LRP1B: variants seen among roughly 807,000 people sequenced by gnomAD.
LRP1B encodes the protein low-density lipoprotein receptor-related protein 1B.
A neutral mutation model predicts 556.6 loss-of-function variants in LRP1B; 217 were observed. The observed-to-expected ratio is 0.39, with a 90% CI of 0.35 to 0.44. The LOEUF (loss-of-function observed/expected upper bound fraction) is 0.44, where lower values mean the gene tolerates loss of function less well. Among genes scored for constraint, LRP1B ranks in the 20% least tolerant of loss-of-function variants. The probability of loss-of-function intolerance (pLI) is 1.00; values close to 1 mark genes in which losing one functional copy is unlikely to be tolerated. For synonymous variants in LRP1B, 2,047 were observed against 1,865.8 expected (o/e 1.10, Z -2.50); for missense variants, 5,053 against 5,620.8 (o/e 0.90, Z 3.23).
chr2:141,426,549 GAA>G (rs1359345753), intron 3 of LRP1B, among the ~76,000 whole-genome samples: 1 of 150,288 alleles, frequency 6.7e-6, no homozygotes, highest in Non-Finnish European at 1.5e-5. Flanking sequence ...AAATGACAAA[GAA>G]AGAATAGATC....
intron 83 of LRP1B, among the ~76,000 whole-genome samples, chr2:140,314,488 A>ATCCTG (rs1684434690): frequency 6.6e-6 from 1 of 152,098 alleles, no homozygotes; most frequent in Non-Finnish European, 1.5e-5. Flanking sequence ...GAATAGATAC[A>ATCCTG]ATTTTAGATG....
At chr2:142,067,674 C>A (rs1705155135) in intron 1 of LRP1B, among the ~76,000 whole-genome samples, 1 of 151,466 alleles carries the variant, frequency 6.6e-6, no homozygotes, top group Non-Finnish European at 1.5e-5. Context: ...ATTATTTAGA[C>A]TGAAATAATC....
At chr2:140,815,351 G>A (rs932942343) in intron 31 of LRP1B, among the ~76,000 whole-genome samples, 4 of 151,872 alleles carry the variant, frequency 2.6e-5, no homozygotes, top group African/African-American at 4.8e-5. Context: ...TCTGTTGCCC[G>A]GCTAGAATGC....
At chr2:141,944,740 CAATAA>C (rs1700905852) in intron 1 of LRP1B, among the ~76,000 whole-genome samples, 1 of 152,062 alleles carries the variant, frequency 6.6e-6, no homozygotes, top group Admixed American at 6.6e-5. Context: ...AATGAGAATA[CAATAA>C]AATAGATATT....
At chr2:141,833,477 G>A (rs567247623) in intron 1 of LRP1B, among the ~76,000 whole-genome samples, 113 of 151,912 alleles carry the variant, frequency 7.4e-4, no homozygotes, top group African/African-American at 2.6e-3. Context: ...GCAGGGAAAA[G>A]ATTTCAAAAA....
chr2:141,136,090 C>T (rs2105040956), intron 7 of LRP1B, among the ~76,000 whole-genome samples: 1 of 151,852 alleles, frequency 6.6e-6, no homozygotes, highest in South Asian at 2.1e-4. Flanking sequence ...CCAACAAATT[C>T]AATTAGAACA....
chr2:140,245,724 A>G (rs1303537579), intron 87 of LRP1B, among the ~76,000 whole-genome samples: 2 of 151,354 alleles, frequency 1.3e-5, no homozygotes, highest in African/African-American at 4.8e-5. Flanking sequence ...AGAGAGATAA[A>G]GTATTTTTTC....
At chr2:142,097,022 C>T (rs890007495) in intron 1 of LRP1B, among the ~76,000 whole-genome samples, 2 of 149,996 alleles carry the variant, frequency 1.3e-5, no homozygotes, top group Admixed American at 6.7e-5. Flanking sequence ...GTCCACTGGA[C>T]TATCACAGTC....
intron 65 of LRP1B, 63 bp downstream of exon 65, chr2:140,444,266 TA>T: frequency 6.4e-7 from 1 of 1,572,432 alleles, no homozygotes; most frequent in Non-Finnish European, 8.7e-7. Flanking sequence ...AGTATAGTAC[TA>T]ATTTTTAGAC....
At chr2:140,796,845 C>T (rs184211935) in intron 32 of LRP1B, among the ~76,000 whole-genome samples, 2 of 152,120 alleles carry the variant, frequency 1.3e-5, no homozygotes, top group East Asian at 1.9e-4. Flanking sequence ...AACAATTAAT[C>T]GCTAGATCTT....
intron 27 of LRP1B, among the ~76,000 whole-genome samples, chr2:140,866,497 T>C (rs1692957092): frequency 6.6e-6 from 1 of 152,068 alleles, no homozygotes; most frequent in Admixed American, 6.6e-5. Context: ...ATTAAAGTTA[T>C]TGCTCACCTA....
intron 51 of LRP1B, among the ~76,000 whole-genome samples, chr2:140,510,731 T>C (rs1415762985): frequency 6.6e-6 from 1 of 152,200 alleles, no homozygotes; most frequent in African/African-American, 2.4e-5. Flanking sequence ...TGCATAATAA[T>C]TGGAATCTAC....
At chr2:140,405,098 A>G (rs1684673711) in intron 66 of LRP1B, among the ~76,000 whole-genome samples, 1 of 152,218 alleles carries the variant, frequency 6.6e-6, no homozygotes, top group South Asian at 2.1e-4. Flanking sequence ...CAAATAAATT[A>G]AATAATCTGC....
intron 66 of LRP1B, among the ~76,000 whole-genome samples, chr2:140,401,476 G>A: frequency 6.6e-6 from 1 of 152,240 alleles, no homozygotes; most frequent in South Asian, 2.1e-4. Context: ...TCAGTGGCTT[G>A]AGAACTGCCC....
chr2:142,040,147 CTA>C (rs1055896870), intron 1 of LRP1B, among the ~76,000 whole-genome samples: 72 of 151,420 alleles, frequency 4.8e-4, no homozygotes, highest in African/African-American at 1.7e-3. Flanking sequence ...TTTAACTTGT[CTA>C]TATGTTTGGT....
chr2:140,411,973 T>C (rs553829899), intron 66 of LRP1B, among the ~76,000 whole-genome samples: 5 of 152,142 alleles, frequency 3.3e-5, no homozygotes, highest in African/African-American at 9.6e-5. Context: ...ATTTCTGTTA[T>C]TGGCTTTTGG....
At chr2:141,002,696 T>C (rs183081906) in intron 15 of LRP1B, among the ~76,000 whole-genome samples, 1 of 152,122 alleles carries the variant, frequency 6.6e-6, no homozygotes, top group African/African-American at 2.4e-5. Context: ...ATAGTCTTCT[T>C]GAAGAAGTTA....
chr2:141,921,772 T>C lies in LRP1B; in HGVS notation c.83-111371A>G, dbSNP rs549797885. ...TTCTTTAAAACATTATATAATTCAA[T>C]AGAAAGCAAATATTCCATTCAAAAA... On this transcript the variant is annotated intron_variant, in intron 1 of 90. Transcript: ENST00000389484. Among the ~76,000 whole-genome samples, 306 of 152,122 alleles carry C rather than the reference T, an allele frequency of 2.0e-3. 4 individuals are homozygous for C. Among genetic ancestry groups the C allele is most frequent in the Admixed American group, 0.018 (281 of 15,258 alleles).
intron 32 of LRP1B, among the ~76,000 whole-genome samples, chr2:140,801,050 G>A (rs1690491914): frequency 6.6e-6 from 1 of 152,102 alleles, no homozygotes; most frequent in Admixed American, 6.5e-5. Flanking sequence ...AGTGGCAGGT[G>A]TTTGTGTGTG....
Sources: gnomAD v4.1 joint callset for allele counts (sites outside exome capture counted in the v4.1 genomes callset) on GRCh38, gnomAD v4.1.1 for gene constraint, MANE v1.5 for transcripts, NCBI Gene and HGNC (gene_info 2026-07-23, HGNC 2026-07-21) for gene names.